The following IGSF6 variants were observed in gnomAD, a reference collection of about 807,000 sequenced individuals.
The protein encoded by IGSF6 is immunoglobulin superfamily member 6, also known as down-regulated by activation (immunoglobulin superfamily).
A neutral mutation model predicts 24.7 loss-of-function variants in IGSF6; 23 were observed. The observed-to-expected ratio is 0.93, with a 90% CI of 0.67 to 1.32. The LOEUF is 1.32. Ranked by LOEUF, IGSF6 falls within the 40% of genes most tolerant of loss-of-function variation. The pLI, the probability that IGSF6 is intolerant of heterozygous loss-of-function variation, is 0.00. For missense variants in IGSF6, 295 were observed against 293.6 expected (o/e 1.00, Z -0.04); for synonymous variants, 110 against 113.7 (o/e 0.97, Z 0.21).
intron 5 of IGSF6, 115 bp from the exon 6 acceptor site, chr16:21,641,708 T>C (rs1165155704): frequency 9.4e-6 from 5 of 531,834 alleles, no homozygotes; most frequent in South Asian, 5.8e-5. Context: ...TAAGTGTCCA[T>C]ATGGTAATCT....
Position 21,647,262 on chromosome 16 carries a change from G to A in IGSF6, c.298C>T (p.Gln100Ter), listed in dbSNP as rs1213384130. ...FTVREALKEN[Q>*]VSLTVNRVTS... ...ACTCTGTTTACAGTGAGGGAAACTT[G>A]GTTTTCTTTGAGGGCCTCCCTCACT... is the stretch of plus-strand genomic sequence containing the variant. The change falls in exon 2 of 6, where the codon CAA becomes TAA. Residue 100 changes from glutamine (Q) to a stop codon, truncating the protein, a stop_gained. Coordinates refer to ENST00000268389, the MANE Select transcript of IGSF6 (RefSeq NM_005849.4). LOFTEE classifies it high-confidence loss of function. 6.2e-7 allele frequency: 1 copy of A among 1,614,154 alleles called. No homozygotes were observed. Among genetic ancestry groups the A allele is most frequent in the East Asian group, 2.2e-5 (1 of 44,872 alleles).
intron 2 of IGSF6, chr16:21,646,336 G>T (rs1200602238): frequency 2.0e-5 from 3 of 152,118 alleles, no homozygotes; most frequent in Non-Finnish European, 2.9e-5. Flanking sequence ...CAGGCAGAAT[G>T]GGAAGGGTCA....
chr16:21,650,662 T>C (rs1433380261), intron 1 of IGSF6, among the ~76,000 whole-genome samples: 3 of 152,190 alleles, frequency 2.0e-5, no homozygotes, highest in African/African-American at 4.8e-5. Context: ...CCAATTAGGC[T>C]ATGTGTGGGA....
chr16:21,649,731 G>T (rs1966519740), intron 1 of IGSF6, among the ~76,000 whole-genome samples: 1 of 152,028 alleles, frequency 6.6e-6, no homozygotes, highest in Non-Finnish European at 1.5e-5. Flanking sequence ...TTGAGATAGG[G>T]TCCCACTGTG....
At position 21,641,462 on chromosome 16, in the gene IGSF6, T is replaced by C; in HGVS notation, c.*72A>G. On this transcript the variant is annotated 3_prime_UTR_variant, in exon 6 of 6. Transcript: ENST00000268389. ...TTTATTTTTTTTTAAGACCTGATGA[T>C]ATATGTTCATTAACACTGCCATAGC... The C allele has an allele frequency of 1.2e-6, 1 of 804,332 alleles. No homozygotes were observed. The highest frequency in any genetic ancestry group is 2.0e-6 in the Non-Finnish European group (1 of 489,442). 49.8% of individuals were successfully genotyped at this position (804,332 alleles called of 1,614,324 possible).
Position 21,647,159 on chromosome 16 carries a change from C to G in IGSF6, c.401G>C (p.Gly134Ala), listed in dbSNP as rs752410978. 6.2e-7 allele frequency: 1 copy of G among 1,614,188 alleles called. No individual in the cohort carries two copies. The highest frequency in any genetic ancestry group is 1.1e-5 in the South Asian group (1 of 91,086). ...TCTTACCACCAGTGTGGTCCCTCCT[C>G]CTGTCTGTTTAGCTCTCGCTTCCGG... ...SVPEARAKQT[G>A]GGTTLVVREI... Residue 134 changes from glycine to alanine, a missense_variant, in exon 2 of 6, where the codon GGA becomes GCA. Coordinates refer to ENST00000268389, the MANE Select transcript of IGSF6 (RefSeq NM_005849.4).
At position 21,652,567 on chromosome 16, in the gene IGSF6, C is replaced by T. The variant is rs368774015; in HGVS notation, c.32G>A (p.Arg11His). 2.2e-5 allele frequency: 35 copies of T among 1,610,462 alleles called. No homozygotes were observed. The African/African-American group carries it at 2.3e-4, about 10-fold the overall frequency. The change falls in exon 1 of 6, where the codon CGC becomes CAC. Residue 11 changes from arginine (R) to histidine (H), a missense_variant. By Grantham distance (29) the Arg-to-His change is conservative (BLOSUM62 0). Coordinates refer to ENST00000268389, the MANE Select transcript of IGSF6 (RefSeq NM_005849.4). ...TAGAATGAGATTGGTTTGCAGATGG[C>T]GAGCGATGTTGCTTCTGCTCGCAGT... Reference protein sequence around the residue: MGTASRSNIARHLQTNLILFC... With the variant: MGTASRSNIAHHLQTNLILFC...
At chr16:21,642,986 A>G (rs1966314743) in intron 5 of IGSF6, 88 bp downstream of exon 5, 2 of 799,136 alleles carry the variant, frequency 2.5e-6, no homozygotes, top group African/African-American at 1.7e-5. Flanking sequence ...GAAGGAAAAC[A>G]TGGTTCTTGA....
At chr16:21,651,932 C>T (rs1966587050) in intron 1 of IGSF6, 1 of 152,068 alleles carries the variant, frequency 6.6e-6, no homozygotes, top group African/African-American at 2.4e-5. Context: ...CTCCCATTAA[C>T]ATTTTGATAT....
chr16:21,651,638 A>G (rs144545201), intron 1 of IGSF6, among the ~76,000 whole-genome samples: 1,734 of 152,270 alleles, frequency 0.011, 19 homozygotes, highest in Non-Finnish European at 0.014. Context: ...TTTCTAACAT[A>G]TCAAAGTAGC....
rs921758580 is a variant in IGSF6, at chr16:21,640,941, C to T, written c.*593G>A. ...TGTTTAACCTTCAGCTTTGGATTTT[C>T]TGTATTTTGGCTTTTATGGTCTTAC... is the stretch of plus-strand genomic sequence containing the variant. On this transcript the variant is annotated 3_prime_UTR_variant, in exon 6 of 6. Transcript: ENST00000268389. 3 of 151,996 alleles carry T rather than the reference C, an allele frequency of 2.0e-5. No individual in the cohort carries two copies. Among genetic ancestry groups the T allele is most frequent in the African/African-American group, 7.3e-5 (3 of 41,372 alleles). 9.4% of individuals were successfully genotyped at this position (151,996 alleles called of 1,614,324 possible). A position where few individuals can be genotyped will look rare whatever the true frequency, so the allele number is the denominator to read the frequency against.
chr16:21,646,064 C>A (rs1363395419), intron 2 of IGSF6, among the ~76,000 whole-genome samples: 1 of 152,172 alleles, frequency 6.6e-6, no homozygotes, highest in East Asian at 1.9e-4. Flanking sequence ...TACCAGGGTC[C>A]TTCCTAAGGG....
intron 1 of IGSF6, among the ~76,000 whole-genome samples, chr16:21,647,876 C>T (rs186468155): frequency 2.2e-4 from 34 of 152,328 alleles, no homozygotes; most frequent in Non-Finnish European, 3.4e-4. Context: ...TTCTTGTCCG[C>T]ACCCTGGCCT....
At chr16:21,651,155 G>A (rs1343563801) in intron 1 of IGSF6, among the ~76,000 whole-genome samples, 4 of 152,070 alleles carry the variant, frequency 2.6e-5, no homozygotes, top group Non-Finnish European at 4.4e-5. Context: ...CCCGGGAGGC[G>A]GAGCTTGCAG....
At chr16:21,643,648 A>G (rs760323971) in intron 3 of IGSF6, 50 bp from the exon 4 acceptor site, 6 of 1,249,188 alleles carry the variant, frequency 4.8e-6, no homozygotes, top group Non-Finnish European at 7.0e-6. Flanking sequence ...TACTCATAAC[A>G]ATGGTGGCAG....
intron 4 of IGSF6, among the ~76,000 whole-genome samples, 155 bp downstream of exon 4, chr16:21,643,393 C>T (rs562986897): frequency 6.6e-6 from 1 of 152,238 alleles, no homozygotes; most frequent in Non-Finnish European, 1.5e-5. Flanking sequence ...CATTGAGTTT[C>T]TCAACAATAG....
In IGSF6 at chr16:21,640,596, C is replaced by CAAAAAAA. The variant is rs368761095; in HGVS notation, c.*931_*937dup. On this transcript the variant is annotated 3_prime_UTR_variant, in exon 6 of 6. Transcript: ENST00000268389. Reference sequence around the variant, plus strand: ...TGAAACCCCGTCTCTACTAAAAATACAAAAAAAAAAAAAAAAAAAAATTAG... The same window carrying CAAAAAAA: ...TGAAACCCCGTCTCTACTAAAAATACAAAAAAAAAAAAAAAAAAAAAAAAAAAATTAG... 1 of 65,584 alleles carries CAAAAAAA rather than the reference C, an allele frequency of 1.5e-5. No homozygotes were observed. Among genetic ancestry groups the CAAAAAAA allele is most frequent in the Non-Finnish European group, 3.3e-5 (1 of 30,448 alleles). The allele number at this position is 65,584 out of a possible 1,614,324, so 4.1% of individuals were successfully genotyped here.
chr16:21,645,091 A>G (rs755298741), intron 2 of IGSF6, among the ~76,000 whole-genome samples: 4 of 152,214 alleles, frequency 2.6e-5, no homozygotes, highest in African/African-American at 7.2e-5. Context: ...TTACCTGACT[A>G]TTTGGAGTAC....
At chr16:21,650,296 C>G (rs1966534143) in intron 1 of IGSF6, among the ~76,000 whole-genome samples, 1 of 152,098 alleles carries the variant, frequency 6.6e-6, no homozygotes, top group African/African-American at 2.4e-5. Flanking sequence ...CACCTGAGGT[C>G]AGGCGTTCGA....
Sources: allele counts gnomAD v4.1 joint callset (sites outside exome capture counted in the v4.1 genomes callset), GRCh38; gene constraint gnomAD v4.1.1; transcripts MANE v1.5; gene names NCBI Gene and HGNC (gene_info 2026-07-23, HGNC 2026-07-21).